NT5DC4: variants seen among roughly 807,000 people sequenced by gnomAD.
NT5DC4 encodes 5'-nucleotidase domain-containing protein 4.
NT5DC4 carries 44 observed loss-of-function variants against 26.6 expected under a neutral mutation model. That is an observed-to-expected ratio of 1.65 (90% CI 1.30 to 2.13). The LOEUF (loss-of-function observed/expected upper bound fraction) is 2.13, where lower values mean the gene tolerates loss of function less well. Among genes scored for constraint, NT5DC4 ranks in the 30% most tolerant of loss-of-function variants. The pLI, the probability that NT5DC4 is intolerant of heterozygous loss-of-function variation, is 0.00. For missense variants in NT5DC4, 399 were observed against 228.1 expected (o/e 1.75, Z -4.83); for synonymous variants, 157 against 86.7 (o/e 1.81, Z -4.51).
intron 16 of NT5DC4, among the ~76,000 whole-genome samples, chr2:112,734,577 G>A (rs1158097130): frequency 1.3e-5 from 2 of 152,236 alleles, no homozygotes; most frequent in Non-Finnish European, 2.9e-5. Flanking sequence ...CCACTGGCCA[G>A]GGAGATGCCA....
chr2:112,742,822 T>C, downstream of NT5DC4: 1 of 1,317,544 alleles, frequency 7.6e-7, no homozygotes, highest in Non-Finnish European at 1.1e-6. Flanking sequence ...ATGCAAAAAA[T>C]TTGCTAAGGA....
At chr2:112,742,058 G>A (rs184881166), downstream of NT5DC4, among the ~76,000 whole-genome samples, 364 of 151,086 alleles carry the variant, frequency 2.4e-3, 1 homozygote, top group African/African-American at 8.5e-3. Flanking sequence ...CCAAAGTGCC[G>A]GGATTACAGG....
intron 7 of NT5DC4, 87 bp from the exon 8 acceptor site, chr2:112,723,331 T>C (rs937797724): frequency 2.6e-5 from 18 of 683,400 alleles, no homozygotes; most frequent in African/African-American, 1.5e-4. Context: ...TTTTCTCATC[T>C]TGGACACAGA....
chr2:112,725,467 C>T lies in NT5DC4; in HGVS notation c.1068C>T (p.Leu356=), dbSNP rs1458441835. The change falls in exon 13 of 17, where the codon CTC becomes CTT. Residue 356 remains leucine, a synonymous_variant. Coordinates refer to ENST00000688554, the MANE Select transcript of NT5DC4 (RefSeq NM_001393655.1). ...YIGDHIFGDI[L]KSKKRQGWRT... ...GGGACCACATTTTTGGGGACATTCT[C>T]AAGTCCAAGAAGCGTCAGGGCTGGC... 1.4e-6 allele frequency: 1 copy of T among 717,202 alleles called. No individual in the cohort carries two copies. Among genetic ancestry groups the T allele is most frequent in the African/African-American group, 1.7e-5 (1 of 57,360 alleles). The allele number at this position is 717,202 out of a possible 1,614,324, so 44.4% of individuals were successfully genotyped here. A position where few individuals can be genotyped will look rare whatever the true frequency, so the allele number is the denominator to read the frequency against.
At chr2:112,720,631 A>G (rs186404976), upstream of NT5DC4, among the ~76,000 whole-genome samples, 12 of 152,342 alleles carry the variant, frequency 7.9e-5, no homozygotes, top group Admixed American at 6.5e-4. Flanking sequence ...TGTCTTCTCT[A>G]AATGGCCTTG....
At chr2:112,722,932 C>T in intron 6 of NT5DC4, 149 bp from the exon 7 acceptor site, 3 of 641,106 alleles carry the variant, frequency 4.7e-6, no homozygotes, top group South Asian at 3.6e-5. Context: ...ACCCTTAGCT[C>T]TGGGTGATGC....
downstream of NT5DC4, chr2:112,740,992 G>C (rs148198561): frequency 5.0e-6 from 8 of 1,610,714 alleles, 1 homozygote; most frequent in South Asian, 6.6e-5. Flanking sequence ...AGCAACTAAA[G>C]AGTCAGAAGT....
At chr2:112,729,815 G>T in intron 16 of NT5DC4, 111 bp downstream of exon 16, 1 of 664,826 alleles carries the variant, frequency 1.5e-6, no homozygotes. Context: ...TGGTGGGGGG[G>T]CTTGTGGGCT....
intron 16 of NT5DC4, chr2:112,737,909 AAATATT>A (rs1365877190): frequency 1.3e-5 from 2 of 152,242 alleles, no homozygotes; most frequent in Admixed American, 6.5e-5. Flanking sequence ...GATAATACTT[AAATATT>A]AAGAAAGCTA....
At chr2:112,740,900 G>T, downstream of NT5DC4, 3 of 1,613,892 alleles carry the variant, frequency 1.9e-6, no homozygotes, top group Non-Finnish European at 2.5e-6. Flanking sequence ...GCCGTGACTT[G>T]TTCCCTCTCT....
intron 16 of NT5DC4, among the ~76,000 whole-genome samples, chr2:112,736,184 G>A (rs1392670244): frequency 6.6e-6 from 1 of 152,062 alleles, no homozygotes; most frequent in Non-Finnish European, 1.5e-5. Context: ...AGTGTCTGAG[G>A]TTCAAGGCAA....
chr2:112,729,927 T>C (rs749757154), intron 16 of NT5DC4, among the ~76,000 whole-genome samples: 25 of 152,266 alleles, frequency 1.6e-4, no homozygotes, highest in Non-Finnish European at 3.4e-4. Flanking sequence ...TGTTAGAGTA[T>C]TATCTTGATA....
intron 7 of NT5DC4, 31 bp downstream of exon 7, chr2:112,723,205 C>A: frequency 1.4e-6 from 1 of 717,272 alleles, no homozygotes; most frequent in South Asian, 1.5e-5. Flanking sequence ...CCCCGGACCC[C>A]TGACCTGTCT....
chr2:112,726,569 A>G, intron 14 of NT5DC4, 109 bp from the exon 15 acceptor site: 1 of 704,542 alleles, frequency 1.4e-6, no homozygotes. Flanking sequence ...CCCCCACTGG[A>G]TGCCCGCACG....
intron 10 of NT5DC4, 186 bp downstream of exon 10, chr2:112,724,312 C>A: frequency 1.6e-6 from 1 of 635,110 alleles, no homozygotes; most frequent in Non-Finnish European, 2.9e-6. Context: ...TGACCTCAGC[C>A]AGGCCCTGGG....
intron 6 of NT5DC4, 147 bp from the exon 7 acceptor site, chr2:112,722,933 TG>T: frequency 1.6e-6 from 1 of 641,364 alleles, no homozygotes; most frequent in Non-Finnish European, 2.8e-6. Context: ...CCCTTAGCTC[TG>T]GGTGATGCCC....
downstream of NT5DC4, chr2:112,740,722 G>T (rs1007440401): frequency 1.0e-6 from 1 of 966,252 alleles, no homozygotes; most frequent in Non-Finnish European, 1.6e-6. Context: ...CTCACTGCAG[G>T]TCAGGTCTCA....
chr2:112,725,989 T>A (rs1677659316), intron 13 of NT5DC4, among the ~76,000 whole-genome samples: 1 of 152,066 alleles, frequency 6.6e-6, no homozygotes, highest in Non-Finnish European at 1.5e-5. Flanking sequence ...AGGCTTTAGG[T>A]TTGAGTCATT....
chr2:112,731,546 A>T (rs1036166051), intron 16 of NT5DC4: 1 of 152,206 alleles, frequency 6.6e-6, no homozygotes, highest in Non-Finnish European at 1.5e-5. Context: ...ATGTTAAATG[A>T]GATAGCCCAA....
Sources: gnomAD v4.1 joint callset for allele counts (sites outside exome capture counted in the v4.1 genomes callset) on GRCh38, gnomAD v4.1.1 for gene constraint, MANE v1.5 for transcripts, NCBI Gene and HGNC (gene_info 2026-07-23, HGNC 2026-07-21) for gene names.